The following LRP12 variants were observed in gnomAD, a reference collection of about 807,000 sequenced individuals.
The protein encoded by LRP12 is low-density lipoprotein receptor-related protein 12.
A neutral mutation model predicts 66.0 loss-of-function variants in LRP12; 14 were observed. The observed-to-expected ratio is 0.21, with a 90% CI of 0.14 to 0.33. The LOEUF (loss-of-function observed/expected upper bound fraction) is 0.33. Ranked by LOEUF, LRP12 falls within the 10% of genes least tolerant of loss-of-function variation. The probability of loss-of-function intolerance (pLI) is 1.00; values close to 1 mark genes in which losing one functional copy is unlikely to be tolerated. For missense variants in LRP12, 889 were observed against 1,053.4 expected (o/e 0.84, Z 2.16); for synonymous variants, 357 against 359.1 (o/e 0.99, Z 0.07).
intron 2 of LRP12, among the ~76,000 whole-genome samples, chr8:104,530,418 A>G (rs1811308418): frequency 1.3e-5 from 2 of 152,214 alleles, no homozygotes; most frequent in South Asian, 2.1e-4. Flanking sequence ...AAGAGGCACA[A>G]GAGACCTCTT....
intron 1 of LRP12, among the ~76,000 whole-genome samples, chr8:104,550,436 T>C (rs1005698577): frequency 2.0e-5 from 3 of 152,186 alleles, no homozygotes; most frequent in African/African-American, 7.2e-5. Flanking sequence ...ATAAATACTG[T>C]CTTTTAACTT....
chr8:104,545,001 G>C (rs936436676), intron 1 of LRP12, among the ~76,000 whole-genome samples: 1 of 152,142 alleles, frequency 6.6e-6, no homozygotes, highest in Non-Finnish European at 1.5e-5. Context: ...CACCATTCTA[G>C]ATGTCATTAA....
intron 3 of LRP12, chr8:104,508,253 A>T (rs1810938083): frequency 6.6e-6 from 1 of 152,164 alleles, no homozygotes; most frequent in Non-Finnish European, 1.5e-5. Context: ...TACTAAATAT[A>T]TTCTTTACAA....
chr8:104,491,024 T>G lies in LRP12; in HGVS notation c.2229A>C (p.Thr743=). 1 of 1,614,146 alleles carries G rather than the reference T, an allele frequency of 6.2e-7. No individual in the cohort carries two copies. Among genetic ancestry groups the G allele is most frequent in the Non-Finnish European group, 8.5e-7 (1 of 1,180,018 alleles). Residue 743 remains threonine, a synonymous_variant, in exon 7 of 7, where the codon ACA becomes ACC. Transcript: ENST00000276654. ...GACTTAGGGAACTTGATCGTCCTAATGTAAAACGTACCCAGCGTAGCCCCT... is the reference window on the plus strand; with the variant it reads ...GACTTAGGGAACTTGATCGTCCTAAGGTAAAACGTACCCAGCGTAGCCCCT... ...MTQGLRWVRF[T]LGRSSSLSQN... is the part of the protein sequence containing the mutation.
intron 1 of LRP12, among the ~76,000 whole-genome samples, chr8:104,548,174 A>ATTAATATATATAT (rs1221257607): frequency 1.0e-5 from 1 of 99,128 alleles, no homozygotes; most frequent in African/African-American, 4.7e-5. Flanking sequence ...TATATATAAT[A>ATTAATATATATAT]TAATATATAA....
chr8:104,523,712 T>C (rs570499183), intron 2 of LRP12, among the ~76,000 whole-genome samples: 1 of 152,278 alleles, frequency 6.6e-6, no homozygotes, highest in South Asian at 2.1e-4. Context: ...ACTAGTGATG[T>C]TGCAAGTGCT....
chr8:104,578,700 CCAGTAGCA>C (rs1303029075), intron 1 of LRP12, among the ~76,000 whole-genome samples: 1 of 152,164 alleles, frequency 6.6e-6, no homozygotes, highest in African/African-American at 2.4e-5. Flanking sequence ...CAAACCAAAT[CCAGTAGCA>C]CATCAAAAAG....
chr8:104,579,370 C>T (rs1812212190), intron 1 of LRP12, among the ~76,000 whole-genome samples: 1 of 152,156 alleles, frequency 6.6e-6, no homozygotes, highest in African/African-American at 2.4e-5. Context: ...CACAGCTAAC[C>T]AGGGAGGTGA....
chr8:104,548,275 TATATTAATATATCATATATTTATATAA>T (rs1564141993), intron 1 of LRP12, among the ~76,000 whole-genome samples: 1 of 90,440 alleles, frequency 1.1e-5, no homozygotes, highest in African/African-American at 5.5e-5. Flanking sequence ...TGATATATAT[TATATTAATATATCATATATTTATATAA>T]TATATATTAT....
rs538242083 is a variant in LRP12 at position 104,583,078 on chromosome 8, C to T, written c.79+5741G>A. On this transcript the variant is annotated intron_variant, in intron 1 of 6. Coordinates refer to ENST00000276654, the MANE Select transcript of LRP12 (RefSeq NM_013437.5). Reference sequence around the variant, plus strand: ...ACTACTACTACCTTGGTCCAAGCTCCTGTTATCTCTCACCTGGATTACAGC... The same window carrying T: ...ACTACTACTACCTTGGTCCAAGCTCTTGTTATCTCTCACCTGGATTACAGC... Among the ~76,000 whole-genome samples the T allele has an allele frequency of 1.2e-3, 185 of 152,280 alleles. 3 individuals are homozygous for T. In the Middle Eastern group the frequency reaches 0.034, roughly 28 times the overall value.
chr8:104,576,328 A>G (rs985220538), intron 1 of LRP12, among the ~76,000 whole-genome samples: 14 of 152,196 alleles, frequency 9.2e-5, no homozygotes, highest in African/African-American at 2.4e-4. Context: ...AGATTCTCCA[A>G]GGTCAAAATG....
rs570583297 is a variant in LRP12, at chr8:104,579,251, T to C, written c.79+9568A>G. 5.9e-5 allele frequency among the ~76,000 whole-genome samples: 9 copies of C among 152,218 alleles called. No individual in the cohort carries two copies. The East Asian group carries it at 1.7e-3, about 29-fold the overall frequency. ...GCAAATTCACAGGATATAAAATCAA[T>C]GTGCAAATATCACTAACATTCCTAT... is the stretch of plus-strand genomic sequence containing the variant. On this transcript the variant is annotated intron_variant, in intron 1 of 6. Coordinates refer to ENST00000276654, the MANE Select transcript of LRP12 (RefSeq NM_013437.5).
chr8:104,566,168 C>A, intron 1 of LRP12: 1 of 628,614 alleles, frequency 1.6e-6, no homozygotes, highest in Non-Finnish European at 2.5e-6. Context: ...ATATTGTACA[C>A]AAAGATTCTT....
intron 1 of LRP12, among the ~76,000 whole-genome samples, chr8:104,548,127 A>ATTCTGT (rs1811631974): frequency 1.9e-5 from 2 of 102,592 alleles, no homozygotes; most frequent in African/African-American, 8.9e-5. Context: ...TTTGTATATA[A>ATTCTGT]TATATAATTA....
chr8:104,524,241 C>CAAAAA (rs57379814), intron 2 of LRP12, among the ~76,000 whole-genome samples: 1 of 96,780 alleles, frequency 1.0e-5, no homozygotes, highest in Non-Finnish European at 2.1e-5. Context: ...GACCCTGTCT[C>CAAAAA]AAAAAAAAAA....
rs559504183 is a variant in LRP12, at chr8:104,548,301, AATATAT to A, written c.80-16344_80-16339del. Among the ~76,000 whole-genome samples, 122 of 85,442 alleles carry A rather than the reference AATATAT, an allele frequency of 1.4e-3. 8 individuals carry two copies. Among genetic ancestry groups the A allele is most frequent in the Middle Eastern group, 0.015 (1 of 66 alleles). The allele number at this position is 85,442 out of a possible 152,430, so 56.1% of individuals were successfully genotyped here. On this transcript the variant is annotated intron_variant, in intron 1 of 6. Transcript: ENST00000276654. ...ATATTAATATATCATATATTTATAT[AATATAT>A]ATTATATAAATATATAATATATATT...
intron 1 of LRP12, among the ~76,000 whole-genome samples, chr8:104,581,093 C>T (rs1349572255): frequency 2.0e-5 from 3 of 152,160 alleles, no homozygotes. Context: ...CCATAGAATA[C>T]TATGTAGTCA....
At position 104,490,846 on chromosome 8, in the gene LRP12, C is replaced by T; in HGVS notation, c.2407G>A (p.Gly803Arg). ...TTATATGGTTGTCTAAGCCCTTGTC[C>T]TTGATCTGAGGCAAGATCAAGAAGA... ...RPLLDLASDQ[G>R]QGLRQPYNAT... The change falls in exon 7 of 7, where the codon GGA (glycine) becomes AGA (arginine). Residue 803 changes from glycine (G) to arginine (R), a missense_variant. By Grantham distance (125) the Gly-to-Arg change is moderately radical (BLOSUM62 -2). Coordinates refer to ENST00000276654, the MANE Select transcript of LRP12 (RefSeq NM_013437.5). The T allele has an allele frequency of 1.2e-6, 2 of 1,614,110 alleles. No individual in the cohort carries two copies. The highest frequency in any genetic ancestry group is 1.7e-6 in the Non-Finnish European group (2 of 1,180,026).
intron 6 of LRP12, 51 bp from the exon 7 acceptor site, chr8:104,491,590 T>TAAAAAAAAA (rs34073040): frequency 1.3e-6 from 1 of 778,768 alleles, no homozygotes. Flanking sequence ...GGTACTAAGA[T>TAAAAAAAAA]AAAAAAAAAA....
Sources: allele counts gnomAD v4.1 joint callset (sites outside exome capture counted in the v4.1 genomes callset), GRCh38; gene constraint gnomAD v4.1.1; transcripts MANE v1.5; gene names NCBI Gene and HGNC (gene_info 2026-07-23, HGNC 2026-07-21).